HMX2: variants seen among roughly 807,000 people sequenced by gnomAD.
HMX2 encodes the protein homeobox protein HMX2.
Under a neutral mutation model 21.2 loss-of-function variants are expected in HMX2, and 15 were observed. The observed-to-expected ratio is 0.71, with a 90% CI of 0.47 to 1.09. The LOEUF is 1.09. Ranked by LOEUF, HMX2 falls within the 50% of genes least tolerant of loss-of-function variation. The pLI, the probability that HMX2 is intolerant of heterozygous loss-of-function variation, is 0.00. For missense variants in HMX2, 440 were observed against 381.5 expected (o/e 1.15, Z -1.28); for synonymous variants, 193 against 181.0 (o/e 1.07, Z -0.53).
Position 123,150,248 on chromosome 10 carries a change from A to G in HMX2, c.*125A>G. The G allele has an allele frequency of 1.3e-6, 1 of 746,650 alleles. No individual in the cohort carries two copies. The highest frequency in any genetic ancestry group is 2.1e-6 in the Non-Finnish European group (1 of 478,128). 46.3% of individuals were successfully genotyped at this position (746,650 alleles called of 1,614,324 possible). A position where few individuals can be genotyped will look rare whatever the true frequency, so the allele number is the denominator to read the frequency against. On this transcript the variant is annotated 3_prime_UTR_variant, in exon 2 of 2. Coordinates refer to ENST00000339992, the MANE Select transcript of HMX2 (RefSeq NM_005519.2). This position sits in a 1 kb window ranked among gnomAD's most constrained non-coding sequence, Gnocchi z 4.2. ...ATGAAGAAATACACCATGTGTATTCATTAGCTCTTATTTATGGTCTCTGCC... is the reference window on the plus strand; with the variant it reads ...ATGAAGAAATACACCATGTGTATTCGTTAGCTCTTATTTATGGTCTCTGCC...
chr10:123,148,316 C>T lies in HMX2; in HGVS notation c.-63C>T, dbSNP rs1462349789. The T allele has an allele frequency of 6.3e-7, 1 of 1,581,624 alleles. No homozygotes were observed. The highest frequency in any genetic ancestry group is 1.4e-5 in the African/African-American group (1 of 73,554). ...CCTGCCTGCTGCACCACCTTCCACC[C>T]AGATCACCCAGATCGTCTCTAAAGG... On this transcript the variant is annotated 5_prime_UTR_variant, in exon 1 of 2. Coordinates refer to ENST00000339992, the MANE Select transcript of HMX2 (RefSeq NM_005519.2).
In HMX2 at chr10:123,148,276, C is replaced by A; in HGVS notation, c.-103C>A. On this transcript the variant is annotated 5_prime_UTR_variant, in exon 1 of 2. Transcript: ENST00000339992. The stretch of plus-strand genomic sequence containing the variant: ...GCCCCCTCCCCCTAGATTTCCTCCC[C>A]GCCCCTCCCCACTGCCTGCCTGCTG... 1 of 1,270,716 alleles carries A rather than the reference C, an allele frequency of 7.9e-7. No homozygotes were observed. The highest frequency in any genetic ancestry group is 1.1e-6 in the Non-Finnish European group (1 of 896,468). 78.7% of individuals were successfully genotyped at this position (1,270,716 alleles called of 1,614,324 possible). A position where few individuals can be genotyped will look rare whatever the true frequency, so the allele number is the denominator to read the frequency against.
chr10:123,149,857 C>T lies in HMX2; in HGVS notation c.556C>T (p.Leu186=). The T allele has an allele frequency of 6.2e-7, 1 of 1,612,914 alleles. No homozygotes were observed. Among genetic ancestry groups the T allele is most frequent in the Non-Finnish European group, 8.5e-7 (1 of 1,179,922 alleles). Residue 186 remains leucine (L), a synonymous_variant, in exon 2 of 2, where the codon CTG becomes TTG. Coordinates refer to ENST00000339992, the MANE Select transcript of HMX2 (RefSeq NM_005519.2). This position sits in a 1 kb window ranked among gnomAD's most constrained non-coding sequence, Gnocchi z 5.4. The part of the protein sequence containing the change: ...SSERACLASS[L]QLTETQVKTW... ...GGAGCGCGCCTGCCTCGCCTCCAGCCTGCAGCTCACGGAGACCCAGGTAAA... is the reference window on the plus strand; with the variant it reads ...GGAGCGCGCCTGCCTCGCCTCCAGCTTGCAGCTCACGGAGACCCAGGTAAA...
In HMX2 at chr10:123,149,992, G is replaced by T; in HGVS notation, c.691G>T (p.Val231Leu). The T allele has an allele frequency of 6.2e-7, 1 of 1,611,136 alleles. No homozygotes were observed. The highest frequency in any genetic ancestry group is 8.5e-7 in the Non-Finnish European group (1 of 1,179,370). The change falls in exon 2 of 2, where the codon GTG becomes TTG. Residue 231 changes from valine (V) to leucine (L), a missense_variant. Transcript: ENST00000339992. The surrounding 1 kb of genome is among the most constrained non-coding windows in gnomAD (Gnocchi z 5.4). The stretch of plus-strand genomic sequence containing the variant: ...GCAGACTCTGGTGAGCATGCCGCTG[G>T]TGTTCCGGGACAGTTCGCTGCTGCG... ...SAQTLVSMPL[V>L]FRDSSLLRVP...
chr10:123,149,614 C>A lies in HMX2; in HGVS notation c.313C>A (p.Arg105Ser), dbSNP rs550175509. The change falls in exon 2 of 2, where the codon CGC becomes AGC. Residue 105 changes from arginine to serine, a missense_variant. By Grantham distance (110) the Arg-to-Ser change is moderately radical. Transcript: ENST00000339992. The surrounding 1 kb of genome is among the most constrained non-coding windows in gnomAD (Gnocchi z 5.4). ...AGGCTCGGGCCCGGGCGGCTTGGAGCGCACGCCTTTCCTCTCTCCTTCGCA... is the reference window on the plus strand; with the variant it reads ...AGGCTCGGGCCCGGGCGGCTTGGAGAGCACGCCTTTCCTCTCTCCTTCGCA... ...SGGSGPGGLE[R>S]TPFLSPSHSD... is the part of the protein sequence containing the mutation. 4.7e-6 allele frequency: 7 copies of A among 1,479,864 alleles called. No individual in the cohort carries two copies. The highest frequency in any genetic ancestry group is 6.2e-6 in the Non-Finnish European group (7 of 1,120,228). The allele number at this position is 1,479,864 out of a possible 1,614,324, so 91.7% of individuals were successfully genotyped here.
In HMX2 at chr10:123,150,263, T is replaced by C. The variant is rs1383130382; in HGVS notation, c.*140T>C. The C allele has an allele frequency of 4.3e-6, 3 of 697,418 alleles. No homozygotes were observed. Among genetic ancestry groups the C allele is most frequent in the Non-Finnish European group, 6.8e-6 (3 of 438,898 alleles). 43.2% of individuals were successfully genotyped at this position (697,418 alleles called of 1,614,324 possible). On this transcript the variant is annotated 3_prime_UTR_variant, in exon 2 of 2. Coordinates refer to ENST00000339992, the MANE Select transcript of HMX2 (RefSeq NM_005519.2). The surrounding 1 kb of genome is among the most constrained non-coding windows in gnomAD (Gnocchi z 4.2). ...ATGTGTATTCATTAGCTCTTATTTA[T>C]GGTCTCTGCCCTACTTTTTGTTTTG...
rs1162679249 is a variant in HMX2, at chr10:123,150,027, G to A, written c.726G>A (p.Val242=). 1 of 1,607,146 alleles carries A rather than the reference G, an allele frequency of 6.2e-7. No homozygotes were observed. Among genetic ancestry groups the A allele is most frequent in the Admixed American group, 1.7e-5 (1 of 59,640 alleles). Reference sequence around the variant, plus strand: ...ACAGTTCGCTGCTGCGCGTGCCGGTGCCGCGCTCGCTCGCCTTTCCCGCGC... The same window carrying A: ...ACAGTTCGCTGCTGCGCGTGCCGGTACCGCGCTCGCTCGCCTTTCCCGCGC... The part of the protein sequence containing the change: ...FRDSSLLRVP[V]PRSLAFPAPL... Residue 242 remains valine, a synonymous_variant, in exon 2 of 2, where the codon GTG becomes GTA. Transcript: ENST00000339992. The surrounding 1 kb of genome is among the most constrained non-coding windows in gnomAD (Gnocchi z 4.2).
In HMX2 at chr10:123,149,917, C is replaced by T. The variant is rs774339200; in HGVS notation, c.616C>T (p.Arg206Trp). Residue 206 changes from arginine (R) to tryptophan (W), a missense_variant, in exon 2 of 2, where the codon CGG becomes TGG. Physicochemically the swap from Arg to Trp is moderately radical, Grantham distance 101. Transcript: ENST00000339992. This position sits in a 1 kb window ranked among gnomAD's most constrained non-coding sequence, Gnocchi z 5.4. ...CCAGAACCGCCGCAACAAGTGGAAG[C>T]GGCAGCTCTCGGCTGAGCTGGAGGC... ...WFQNRRNKWK[R>W]QLSAELEAAN... The T allele has an allele frequency of 6.2e-7, 1 of 1,612,502 alleles. No homozygotes were observed. The highest frequency in any genetic ancestry group is 8.5e-7 in the Non-Finnish European group (1 of 1,179,792).
At position 123,149,890 on chromosome 10, in the gene HMX2, T is replaced by G; in HGVS notation, c.589T>G (p.Phe197Val). 1 of 1,612,014 alleles carries G rather than the reference T, an allele frequency of 6.2e-7. No individual in the cohort carries two copies. Among genetic ancestry groups the G allele is most frequent in the Non-Finnish European group, 8.5e-7 (1 of 1,179,348 alleles). The change falls in exon 2 of 2, where the codon TTC becomes GTC. Residue 197 changes from phenylalanine (F) to valine (V), a missense_variant. By Grantham distance (50) the Phe-to-Val change is conservative (BLOSUM62 -1). Transcript: ENST00000339992. This position sits in a 1 kb window ranked among gnomAD's most constrained non-coding sequence, Gnocchi z 5.4. ...QLTETQVKTW[F>V]QNRRNKWKRQ... ...CACGGAGACCCAGGTAAAGACTTGG[T>G]TCCAGAACCGCCGCAACAAGTGGAA...
Position 123,149,423 on chromosome 10 carries a change from G to T in HMX2, c.269-147G>T. ...AAAGGACGGGGTGCTGGGTTTGGGG[G>T]GCCAGTGAGAGGGATAAGAGGAGGG... On this transcript the variant is annotated intron_variant, in intron 1 of 1. Coordinates refer to ENST00000339992, the MANE Select transcript of HMX2 (RefSeq NM_005519.2). The surrounding 1 kb of genome is among the most constrained non-coding windows in gnomAD (Gnocchi z 5.4). 2 of 552,398 alleles carry T rather than the reference G, an allele frequency of 3.6e-6. No homozygotes were observed. Among genetic ancestry groups the T allele is most frequent in the Non-Finnish European group, 5.8e-6 (2 of 341,964 alleles). The allele number at this position is 552,398 out of a possible 1,614,324, so 34.2% of individuals were successfully genotyped here.
At position 123,149,043 on chromosome 10, in the gene HMX2, C is replaced by T. The variant is rs1054226918; in HGVS notation, c.268+397C>T. Among the ~76,000 whole-genome samples the T allele has an allele frequency of 6.6e-6, 1 of 152,218 alleles. No homozygotes were observed. Among genetic ancestry groups the T allele is most frequent in the Non-Finnish European group, 1.5e-5 (1 of 68,046 alleles). ...TAATCTCTTTCTGAGTCTTCTTCCTCACTCGCTCCGTATCTCTGCCTTTCT... is the reference window on the plus strand; with the variant it reads ...TAATCTCTTTCTGAGTCTTCTTCCTTACTCGCTCCGTATCTCTGCCTTTCT... On this transcript the variant is annotated intron_variant, in intron 1 of 1. Coordinates refer to ENST00000339992, the MANE Select transcript of HMX2 (RefSeq NM_005519.2). This position sits in a 1 kb window ranked among gnomAD's most constrained non-coding sequence, Gnocchi z 5.4.
intron 1 of HMX2, among the ~76,000 whole-genome samples, 172 bp downstream of exon 1, chr10:123,148,818 C>T (rs1336056012): frequency 1.3e-5 from 2 of 152,174 alleles, no homozygotes; most frequent in Non-Finnish European, 2.9e-5. Context: ...CCCGGTGGGC[C>T]CCTGGGAGCA....
Position 123,149,055 on chromosome 10 carries a change from A to G in HMX2, c.268+409A>G, listed in dbSNP as rs1844236493. Reference sequence around the variant, plus strand: ...GAGTCTTCTTCCTCACTCGCTCCGTATCTCTGCCTTTCTCTCTCTCTCCTC... The same window carrying G: ...GAGTCTTCTTCCTCACTCGCTCCGTGTCTCTGCCTTTCTCTCTCTCTCCTC... On this transcript the variant is annotated intron_variant, in intron 1 of 1. Coordinates refer to ENST00000339992, the MANE Select transcript of HMX2 (RefSeq NM_005519.2). The surrounding 1 kb of genome is among the most constrained non-coding windows in gnomAD (Gnocchi z 5.4). Among the ~76,000 whole-genome samples the G allele has an allele frequency of 6.6e-6, 1 of 152,080 alleles. No individual in the cohort carries two copies. The highest frequency in any genetic ancestry group is 2.4e-5 in the African/African-American group (1 of 41,394).
Position 123,148,269 on chromosome 10 carries a change from TCC to T in HMX2, c.-109_-108del. On this transcript the variant is annotated 5_prime_UTR_variant, in exon 1 of 2. Transcript: ENST00000339992. The stretch of plus-strand genomic sequence containing the variant: ...CCTCGGCGCCCCCTCCCCCTAGATT[TCC>T]TCCCCGCCCCTCCCCACTGCCTGCC... The T allele has an allele frequency of 8.5e-7, 1 of 1,173,312 alleles. No individual in the cohort carries two copies. Among genetic ancestry groups the T allele is most frequent in the Non-Finnish European group, 1.2e-6 (1 of 813,140 alleles). The allele number at this position is 1,173,312 out of a possible 1,614,324, so 72.7% of individuals were successfully genotyped here. A position where few individuals can be genotyped will look rare whatever the true frequency, so the allele number is the denominator to read the frequency against.
rs902721196 is a variant in HMX2, at chr10:123,150,352, C to G, written c.*229C>G. 3 of 397,946 alleles carry G rather than the reference C, an allele frequency of 7.5e-6. No individual in the cohort carries two copies. The highest frequency in any genetic ancestry group is 6.5e-4 in the Middle Eastern group (1 of 1,542). 24.7% of individuals were successfully genotyped at this position (397,946 alleles called of 1,614,324 possible). On this transcript the variant is annotated 3_prime_UTR_variant, in exon 2 of 2. Coordinates refer to ENST00000339992, the MANE Select transcript of HMX2 (RefSeq NM_005519.2). This position sits in a 1 kb window ranked among gnomAD's most constrained non-coding sequence, Gnocchi z 4.2. The stretch of plus-strand genomic sequence containing the variant: ...AGCCTGCTTCCTACCTAGACCGAAC[C>G]AGTACGCTTTGAAAACCATTCGGAG...
Position 123,148,642 on chromosome 10 carries a change from C to T in HMX2, c.264C>T (p.Cys88=). The change falls in exon 1 of 2, where the codon TGC becomes TGT. Residue 88 remains cysteine, a synonymous_variant. Transcript: ENST00000339992. The part of the protein sequence containing the change: ...PKHHPPIPFP[C]LGTPKGSGGS... ...ACCATCCCCCCATCCCTTTTCCTTG[C>T]CTGGGTAAGGATCGCACGTCGCCAG... 5 of 1,608,892 alleles carry T rather than the reference C, an allele frequency of 3.1e-6. No individual in the cohort carries two copies. The highest frequency in any genetic ancestry group is 4.2e-6 in the Non-Finnish European group (5 of 1,178,084).
chr10:123,149,170 G>T lies in HMX2; in HGVS notation c.269-400G>T, dbSNP rs1353458126. On this transcript the variant is annotated intron_variant, in intron 1 of 1. Transcript: ENST00000339992. The surrounding 1 kb of genome is among the most constrained non-coding windows in gnomAD (Gnocchi z 5.4). ...AACATTTGACGAAGGGGAGTCCTGC[G>T]TTAGTCCTTAGCGTGATTTCCAAAC... Among the ~76,000 whole-genome samples, 4 of 152,178 alleles carry T rather than the reference G, an allele frequency of 2.6e-5. No homozygotes were observed. The highest frequency in any genetic ancestry group is 2.9e-5 in the Non-Finnish European group (2 of 68,036).
chr10:123,148,887 G>C (rs560065362), intron 1 of HMX2, among the ~76,000 whole-genome samples: 2 of 152,334 alleles, frequency 1.3e-5, no homozygotes, highest in South Asian at 4.1e-4. Context: ...TGTTGAGAGA[G>C]TGGACCACAG....
rs1282810331 is a variant in HMX2 at position 123,150,097 on chromosome 10, A to G, written c.796A>G (p.Asn266Asp). 5.1e-6 allele frequency: 8 copies of G among 1,576,062 alleles called. No homozygotes were observed. In the East Asian group the frequency reaches 1.8e-4, roughly 36 times the overall value. The change falls in exon 2 of 2, where the codon AAC becomes GAC. Residue 266 changes from asparagine to aspartate, a missense_variant. Asn to Asp is a conservative substitution (Grantham distance 23, BLOSUM62 1). Transcript: ENST00000339992. This position sits in a 1 kb window ranked among gnomAD's most constrained non-coding sequence, Gnocchi z 4.2. ...CAACCTCTCGGCCTTACCTCTCTAC[A>G]ACCTATACAACAAGCTCGACTACTG... ...GSNLSALPLY[N>D]LYNKLDY
Sources: gnomAD v4.1 joint callset for allele counts (sites outside exome capture counted in the v4.1 genomes callset) on GRCh38, gnomAD v4.1.1 for gene constraint, Gnocchi (gnomAD v3.1) non-coding constraint, MANE v1.5 for transcripts, NCBI Gene and HGNC (gene_info 2026-07-23, HGNC 2026-07-21) for gene names.